CHRDL1: variants seen among roughly 807,000 people sequenced by gnomAD.
CHRDL1 encodes chordin like 1.
CHRDL1 carries 19 observed loss-of-function variants against 40.9 expected under a neutral mutation model. That is an observed-to-expected ratio of 0.46 (90% CI 0.32 to 0.68). The LOEUF (loss-of-function observed/expected upper bound fraction) is 0.68. Among genes scored for constraint, CHRDL1 ranks in the 30% least tolerant of loss-of-function variants. CHRDL1 has a pLI of 0.03. For synonymous variants in CHRDL1, 136 were observed against 123.4 expected, an observed-to-expected ratio of 1.10 and a Z score of -0.68; for missense variants, 329 against 352.1, an observed-to-expected ratio of 0.93 and a Z score of 0.53.
intron 6 of CHRDL1, among the ~76,000 whole-genome samples, chrX:110,701,283 TA>T (rs2148441975): frequency 9.0e-6 from 1 of 111,307 alleles, no homozygotes; most frequent in Admixed American, 9.6e-5. Flanking sequence ...CTCAACTGAT[TA>T]AAAAACAAGA....
intron 8 of CHRDL1, among the ~76,000 whole-genome samples, chrX:110,689,187 G>A (rs962525604): frequency 6.6e-4 from 64 of 96,284 alleles, no homozygotes; most frequent in Non-Finnish European, 9.2e-4. Flanking sequence ...TTGACTTCCC[G>A]GGCTCAGGCA....
At chrX:110,755,202 T>C (rs1183175129) in intron 4 of CHRDL1, among the ~76,000 whole-genome samples, 2 of 111,360 alleles carry the variant, frequency 1.8e-5, no homozygotes, top group Non-Finnish European at 3.8e-5. Context: ...TTAAGAATGT[T>C]CCAGCCTCCA....
intron 4 of CHRDL1, among the ~76,000 whole-genome samples, chrX:110,759,311 C>T (rs774166577): frequency 2.3e-4 from 26 of 112,107 alleles, no homozygotes; most frequent in South Asian, 7.4e-4. Context: ...TTGTATAAGA[C>T]ACATGCCGCC....
At chrX:110,722,015 T>C (rs197025) in intron 4 of CHRDL1, among the ~76,000 whole-genome samples, 8,555 of 111,946 alleles carry the variant, frequency 0.076, 804 homozygotes, top group African/African-American at 0.27. Flanking sequence ...TTTATTTATT[T>C]AGAGACTGAG....
rs926992090 is a variant in CHRDL1, at chrX:110,676,083, G to C, written c.*148C>G. The C allele has an allele frequency of 1.9e-6, 1 of 534,793 alleles. No individual in the cohort carries two copies. The highest frequency in any genetic ancestry group is 3.0e-6 in the Non-Finnish European group (1 of 337,737). The allele number at this position is 534,793 out of a possible 1,213,427, so 44.1% of individuals were successfully genotyped here. ...GGGCTGACACACCACTCCACACAAA[G>C]GAGCAAATTATGCTGTGCATGGCGT... On this transcript the variant is annotated 3_prime_UTR_variant, in exon 12 of 12. Transcript: ENST00000372042.
At chrX:110,773,373 A>C (rs1052651117) in intron 2 of CHRDL1, among the ~76,000 whole-genome samples, 3 of 112,027 alleles carry the variant, frequency 2.7e-5, no homozygotes, top group Non-Finnish European at 5.6e-5. Context: ...ATCTCTAAAT[A>C]GTTTGGAATT....
intron 4 of CHRDL1, among the ~76,000 whole-genome samples, chrX:110,747,765 T>C (rs1182266094): frequency 8.9e-6 from 1 of 112,462 alleles, no homozygotes; most frequent in Non-Finnish European, 1.9e-5. Flanking sequence ...GGAGGTCAAC[T>C]CACCACCATG....
At chrX:110,765,494 G>A (rs2089644044) in intron 2 of CHRDL1, among the ~76,000 whole-genome samples, 1 of 111,625 alleles carries the variant, frequency 9.0e-6, no homozygotes, top group Non-Finnish European at 1.9e-5. Context: ...TGAGAGACGA[G>A]GATCCAGTTT....
chrX:110,731,770 G>C (rs1232917594), intron 4 of CHRDL1, among the ~76,000 whole-genome samples: 1 of 111,391 alleles, frequency 9.0e-6, no homozygotes, highest in African/African-American at 3.3e-5. Flanking sequence ...CAAATCCATA[G>C]AGAGAGAAAG....
At chrX:110,717,254 C>T (rs1426020942) in intron 6 of CHRDL1, among the ~76,000 whole-genome samples, 1 of 111,783 alleles carries the variant, frequency 8.9e-6, no homozygotes, top group African/African-American at 3.3e-5. Flanking sequence ...TGAACTTCAA[C>T]AAGTTCTCTG....
chrX:110,769,949 T>G (rs1364269245), intron 2 of CHRDL1, among the ~76,000 whole-genome samples: 1 of 112,483 alleles, frequency 8.9e-6, no homozygotes, highest in African/African-American at 3.2e-5. Context: ...AAAACTAAAC[T>G]GAGAGAGATG....
In CHRDL1 at chrX:110,675,082, C is replaced by T. The variant is rs781210768; in HGVS notation, c.*1149G>A. On this transcript the variant is annotated 3_prime_UTR_variant, in exon 12 of 12. Transcript: ENST00000372042. Reference sequence around the variant, plus strand: ...TTTTCTTAACTGAAGAGTCAACATGCAGATGCTCATGAGGACCGAGCCACT... The same window carrying T: ...TTTTCTTAACTGAAGAGTCAACATGTAGATGCTCATGAGGACCGAGCCACT... 8.9e-6 allele frequency: 1 copy of T among 112,002 alleles called. No homozygotes were observed. Among genetic ancestry groups the T allele is most frequent in the African/African-American group, 3.2e-5 (1 of 30,876 alleles). The allele number at this position is 112,002 out of a possible 1,213,427, so 9.2% of individuals were successfully genotyped here.
At chrX:110,694,613 C>G (rs1231989030) in intron 7 of CHRDL1, among the ~76,000 whole-genome samples, 6 of 111,835 alleles carry the variant, frequency 5.4e-5, no homozygotes, top group African/African-American at 2.0e-4. Flanking sequence ...GAGAAAAGAG[C>G]CAAAAAGGCT....
chrX:110,747,606 C>T (rs912067827), intron 4 of CHRDL1, among the ~76,000 whole-genome samples: 2 of 112,054 alleles, frequency 1.8e-5, no homozygotes, highest in African/African-American at 3.2e-5. Context: ...AATGTAATCC[C>T]ACTTTATATT....
chrX:110,749,658 A>G (rs1444327756), intron 4 of CHRDL1, among the ~76,000 whole-genome samples: 1 of 111,903 alleles, frequency 8.9e-6, no homozygotes, highest in East Asian at 2.8e-4. Context: ...TCAATAACTG[A>G]CACCCTAAGT....
chrX:110,728,471 G>A (rs1192151084), intron 4 of CHRDL1, among the ~76,000 whole-genome samples: 1 of 111,270 alleles, frequency 9.0e-6, no homozygotes, highest in East Asian at 2.8e-4. Context: ...TACAAAGCTG[G>A]TCATCAGAAG....
Position 110,768,473 on chromosome X carries a change from T to C in CHRDL1, c.95-5666A>G, listed in dbSNP as rs752048739. 3.6e-5 allele frequency among the ~76,000 whole-genome samples: 4 copies of C among 110,496 alleles called. No individual in the cohort carries two copies. The Admixed American group carries it at 3.8e-4, about 11-fold the overall frequency. ...GTTTTTGGATGTGGCCAGAGGAGATTAACATTTGAGTCAGTAGACTGGGAG... is the reference window on the plus strand; with the variant it reads ...GTTTTTGGATGTGGCCAGAGGAGATCAACATTTGAGTCAGTAGACTGGGAG... On this transcript the variant is annotated intron_variant, in intron 2 of 11. Coordinates refer to ENST00000372042, the MANE Select transcript of CHRDL1 (RefSeq NM_001143981.2).
At position 110,674,441 on chromosome X, in the gene CHRDL1, C is replaced by CA. The variant is rs1252559931; in HGVS notation, c.*1789dup. ...TGGGACGGAGGGAGCAGCCGCATAA[C>CA]ACCTTCCCCCCTTTACCACACACAC... On this transcript the variant is annotated 3_prime_UTR_variant, in exon 12 of 12. Coordinates refer to ENST00000372042, the MANE Select transcript of CHRDL1 (RefSeq NM_001143981.2). 2.0e-5 allele frequency: 2 copies of CA among 99,376 alleles called. No homozygotes were observed. Among genetic ancestry groups the CA allele is most frequent in the Non-Finnish European group, 4.0e-5 (2 of 50,327 alleles). The allele number at this position is 99,376 out of a possible 1,213,427, so 8.2% of individuals were successfully genotyped here.
intron 4 of CHRDL1, among the ~76,000 whole-genome samples, chrX:110,752,874 G>C (rs767772169): frequency 9.0e-6 from 1 of 111,241 alleles, no homozygotes; most frequent in Admixed American, 9.6e-5. Context: ...AGAGAAGAGA[G>C]CAATGGAGAT....
Sources: gnomAD v4.1 joint callset for allele counts (sites outside exome capture counted in the v4.1 genomes callset) on GRCh38, gnomAD v4.1.1 for gene constraint, MANE v1.5 for transcripts, NCBI Gene and HGNC (gene_info 2026-07-23, HGNC 2026-07-21) for gene names.